Variants in PCBP3 observed in about 807,000 individuals in gnomAD.
PCBP3 encodes poly(rC)-binding protein 3.
PCBP3 carries 25 observed loss-of-function variants against 52.7 expected under a neutral mutation model. That is an observed-to-expected ratio of 0.47 (90% CI 0.35 to 0.66). PCBP3 has a LOEUF of 0.66. PCBP3 is among the 30% of genes least tolerant of loss of function. The pLI is 0.01. For synonymous variants in PCBP3, 162 were observed against 183.0 expected (o/e 0.89, Z 0.93); for missense variants, 391 against 490.3 (o/e 0.80, Z 1.91).
At chr21:45,856,866 A>C (rs1177913491) in intron 5 of PCBP3, among the ~76,000 whole-genome samples, 2 of 152,240 alleles carry the variant, frequency 1.3e-5, no homozygotes, top group Non-Finnish European at 2.9e-5. Context: ...GGTTTGGTCC[A>C]GAAAGGTGGG....
At chr21:45,834,148 G>A (rs1293653495) in intron 4 of PCBP3, among the ~76,000 whole-genome samples, 1 of 152,068 alleles carries the variant, frequency 6.6e-6, no homozygotes, top group Non-Finnish European at 1.5e-5. Flanking sequence ...GGGCCCAGGA[G>A]TCTGGGTCTA....
chr21:45,783,964 T>C (rs933647786), intron 4 of PCBP3, among the ~76,000 whole-genome samples: 1 of 152,202 alleles, frequency 6.6e-6, no homozygotes, highest in African/African-American at 2.4e-5. Context: ...CTGAAAATGG[T>C]TGCAGTTTTA....
intron 2 of PCBP3, among the ~76,000 whole-genome samples, chr21:45,690,725 T>A (rs1412530123): frequency 6.6e-6 from 1 of 152,146 alleles, no homozygotes; most frequent in Non-Finnish European, 1.5e-5. Flanking sequence ...CTCATCATCA[T>A]TAGTCTTCAG....
intron 4 of PCBP3, chr21:45,836,371 C>T (rs2147886673): frequency 6.6e-6 from 1 of 152,436 alleles, no homozygotes; most frequent in Admixed American, 6.5e-5. Flanking sequence ...TTCCTGGCAT[C>T]TGGAATGGGG....
chr21:45,898,651 G>GCCGTCCT (rs2095916802), intron 6 of PCBP3, among the ~76,000 whole-genome samples: 1 of 55,958 alleles, frequency 1.8e-5, no homozygotes, highest in Non-Finnish European at 3.6e-5. Context: ...GGGCCCCTCT[G>GCCGTCCT]CACACCGTCC....
chr21:45,783,102 G>A (rs777473748), intron 4 of PCBP3, among the ~76,000 whole-genome samples: 11 of 152,044 alleles, frequency 7.2e-5, no homozygotes, highest in Admixed American at 7.2e-4. Context: ...CCCCTTTCTC[G>A]CCCAGATAAT....
chr21:45,779,022 T>C (rs2090452170), intron 4 of PCBP3, among the ~76,000 whole-genome samples: 1 of 152,214 alleles, frequency 6.6e-6, no homozygotes, highest in African/African-American at 2.4e-5. Flanking sequence ...CAGTAGGCTG[T>C]GCCTCACTTG....
chr21:45,851,276 A>T (rs1265252412), intron 5 of PCBP3, among the ~76,000 whole-genome samples: 1 of 152,242 alleles, frequency 6.6e-6, no homozygotes, highest in Admixed American at 6.5e-5. Context: ...GCACTTTGGG[A>T]GGCCGAGGTG....
chr21:45,778,908 C>T (rs1280008505), intron 4 of PCBP3, among the ~76,000 whole-genome samples: 1 of 152,162 alleles, frequency 6.6e-6, no homozygotes, highest in Admixed American at 6.5e-5. Context: ...GCCACTGGAG[C>T]AGGTGGGTCC....
intron 4 of PCBP3, among the ~76,000 whole-genome samples, chr21:45,795,563 G>T (rs766750745): frequency 3.3e-5 from 5 of 152,136 alleles, no homozygotes; most frequent in Non-Finnish European, 7.4e-5. Flanking sequence ...AGTAATGAAA[G>T]TGAGAGAATG....
chr21:45,669,442 C>G (rs1036458557), intron 2 of PCBP3, among the ~76,000 whole-genome samples: 1 of 152,010 alleles, frequency 6.6e-6, no homozygotes, highest in African/African-American at 2.4e-5. Flanking sequence ...ACATATATAA[C>G]ATAAAATTTG....
At chr21:45,883,972 CTG>C (rs1303957586) in intron 5 of PCBP3, among the ~76,000 whole-genome samples, 1 of 152,228 alleles carries the variant, frequency 6.6e-6, no homozygotes, top group Non-Finnish European at 1.5e-5. Flanking sequence ...GGGCCCTACT[CTG>C]TCATCCAGGC....
At chr21:45,679,078 ATTTTTTTT>A (rs34808106) in intron 2 of PCBP3, among the ~76,000 whole-genome samples, 1 of 120,840 alleles carries the variant, frequency 8.3e-6, no homozygotes, top group Non-Finnish European at 1.7e-5. Flanking sequence ...GATTGTTAGC[ATTTTTTTT>A]TTTTTTTTTT....
intron 4 of PCBP3, among the ~76,000 whole-genome samples, chr21:45,844,783 A>G (rs2093770957): frequency 6.6e-6 from 1 of 151,742 alleles, no homozygotes; most frequent in Non-Finnish European, 1.5e-5. Flanking sequence ...ATTCATAAGA[A>G]GAAGACTGGG....
intron 3 of PCBP3, among the ~76,000 whole-genome samples, chr21:45,747,304 G>A (rs1321493078): frequency 3.9e-5 from 6 of 152,186 alleles, no homozygotes; most frequent in African/African-American, 1.4e-4. Context: ...TACCTCCCAC[G>A]ACACGTGGGG....
At chr21:45,866,701 G>A (rs765758986) in intron 5 of PCBP3, among the ~76,000 whole-genome samples, 61 of 152,254 alleles carry the variant, frequency 4.0e-4, no homozygotes, top group South Asian at 1.2e-3. Flanking sequence ...GCTGGCCCCA[G>A]ATGCACACGA....
chr21:45,681,416 G>C (rs2081839264), intron 2 of PCBP3, among the ~76,000 whole-genome samples: 1 of 152,140 alleles, frequency 6.6e-6, no homozygotes, highest in African/African-American at 2.4e-5. Flanking sequence ...ATTTGGTCAT[G>C]CTGCACAATT....
intron 4 of PCBP3, among the ~76,000 whole-genome samples, chr21:45,759,536 A>G (rs2088412898): frequency 6.6e-6 from 1 of 152,144 alleles, no homozygotes; most frequent in South Asian, 2.1e-4. Flanking sequence ...ATTTCTTTTC[A>G]TATTCACCTT....
In PCBP3 at chr21:45,909,442, T is replaced by A; in HGVS notation, c.427T>A (p.Ser143Thr). The change falls in exon 10 of 18, where the codon TCC becomes ACC. Residue 143 changes from serine to threonine, a missense_variant. Transcript: ENST00000681687. ...GGTGGTGCCTGCCAGCCAGTGTGGG[T>A]CCCTGATCGGCAAAGGAGGCTCCAA... ...RLVVPASQCG[S>T]LIGKGGSKIK... is the part of the protein sequence containing the mutation. 2.5e-6 allele frequency: 4 copies of A among 1,613,340 alleles called. No individual in the cohort carries two copies. Among genetic ancestry groups the A allele is most frequent in the Non-Finnish European group, 3.4e-6 (4 of 1,179,764 alleles).
Sources: gnomAD v4.1 joint callset for allele counts (sites outside exome capture counted in the v4.1 genomes callset) on GRCh38, gnomAD v4.1.1 for gene constraint, MANE v1.5 for transcripts, NCBI Gene and HGNC (gene_info 2026-07-23, HGNC 2026-07-21) for gene names.